Variants in SSUH2 observed in about 807,000 individuals in gnomAD.
SSUH2 encodes the protein ssu-2 homolog.
In SSUH2, 47 loss-of-function variants were observed where a neutral mutation model predicts 55.3. The observed-to-expected ratio is 0.85, with a 90% CI of 0.67 to 1.08. The LOEUF is 1.08. Among genes scored for constraint, SSUH2 ranks in the 50% least tolerant of loss-of-function variants. The pLI, the probability that SSUH2 is intolerant of heterozygous loss-of-function variation, is 0.00. For missense variants in SSUH2, 535 were observed against 490.7 expected, an observed-to-expected ratio of 1.09 and a Z score of -0.85; for synonymous variants, 212 against 191.5, an observed-to-expected ratio of 1.11 and a Z score of -0.89.
At chr3:8,625,118 A>G (rs1964626) in intron 10 of SSUH2, among the ~76,000 whole-genome samples, 67,925 of 151,686 alleles carry the variant, frequency 0.45, 15,507 homozygotes, top group East Asian at 0.56. Flanking sequence ...TGTAAGCTCT[A>G]TGAGGGCAGG....
rs554806812 is a variant in SSUH2 at position 8,625,487 on chromosome 3, C to T, written c.873+55G>A. 5.5e-4 allele frequency: 621 copies of T among 1,137,978 alleles called. 1 individual carries two copies. The Middle Eastern group carries it at 6.3e-3, about 11-fold the overall frequency. The allele number at this position is 1,137,978 out of a possible 1,614,324, so 70.5% of individuals were successfully genotyped here. Reference sequence around the variant, plus strand: ...CACACAGCTAGCAGCCCCAGGCCCACGAGAGCAGAGGAGGAACCCAGCTTC... The same window carrying T: ...CACACAGCTAGCAGCCCCAGGCCCATGAGAGCAGAGGAGGAACCCAGCTTC... On this transcript the variant is annotated intron_variant, in intron 10 of 11. Transcript: ENST00000544814.
At chr3:8,681,178 C>T (rs1311808703) in intron 1 of SSUH2, among the ~76,000 whole-genome samples, 2 of 136,786 alleles carry the variant, frequency 1.5e-5, no homozygotes, top group African/African-American at 5.2e-5. Flanking sequence ...GGAGTCACCC[C>T]ATGCAAGGCG....
At chr3:8,625,447 G>T (rs1697328869) in intron 10 of SSUH2, 95 bp downstream of exon 10, 7 of 740,482 alleles carry the variant, frequency 9.5e-6, no homozygotes, top group Admixed American at 2.3e-5. Context: ...GTCCTTCCAA[G>T]GAATGCAGCC....
intron 4 of SSUH2, among the ~76,000 whole-genome samples, chr3:8,633,365 C>T (rs1481603168): frequency 6.6e-6 from 1 of 151,758 alleles, no homozygotes; most frequent in Non-Finnish European, 1.5e-5. Context: ...GCTGGTCTAA[C>T]CTGACTCACC....
chr3:8,667,156 A>G (rs749263634), intron 5 of SSUH2, among the ~76,000 whole-genome samples: 1 of 152,264 alleles, frequency 6.6e-6, no homozygotes, highest in Non-Finnish European at 1.5e-5. Flanking sequence ...GGGCTGCTGG[A>G]CTGAATAGAC....
chr3:8,679,384 G>T (rs140632165), intron 2 of SSUH2, among the ~76,000 whole-genome samples: 715 of 70,992 alleles, frequency 0.01, 54 homozygotes, highest in South Asian at 0.025. Context: ...GCATCCCCCA[G>T]GAGGAGGGGA....
chr3:8,657,694 T>C (rs1302217958), intron 7 of SSUH2, among the ~76,000 whole-genome samples: 1 of 152,098 alleles, frequency 6.6e-6, no homozygotes, highest in African/African-American at 2.4e-5. Flanking sequence ...TACCACATCC[T>C]ACCAAGAGGT....
At chr3:8,664,890 C>T (rs1703847872) in intron 5 of SSUH2, among the ~76,000 whole-genome samples, 1 of 152,238 alleles carries the variant, frequency 6.6e-6, no homozygotes, top group Admixed American at 6.5e-5. Context: ...AAGGCATCTC[C>T]CGATTCCTGC....
intron 5 of SSUH2, among the ~76,000 whole-genome samples, chr3:8,669,996 C>A (rs541022441): frequency 6.6e-6 from 1 of 152,188 alleles, no homozygotes; most frequent in Non-Finnish European, 1.5e-5. Flanking sequence ...GCATTAATTT[C>A]TTGTTTTTGA....
Position 8,676,905 on chromosome 3 carries a change from C to T in SSUH2, c.-753+301G>A, listed in dbSNP as rs557694705. On this transcript the variant is annotated intron_variant, in intron 3 of 18. Coordinates refer to the SSUH2 transcript ENST00000317371. ...CCGTGAGGCGGGGACAGAGAGCCAG[C>T]CCCTCTTTCCCCCCTGGCTCTTAGG... Among the ~76,000 whole-genome samples the T allele has an allele frequency of 4.6e-4, 67 of 146,622 alleles. 1 individual carries two copies. Among genetic ancestry groups the T allele is most frequent in the African/African-American group, 1.5e-3 (61 of 39,560 alleles).
intron 7 of SSUH2, among the ~76,000 whole-genome samples, chr3:8,652,896 A>T (rs1175123461): frequency 6.6e-6 from 1 of 152,162 alleles, no homozygotes; most frequent in East Asian, 1.9e-4. Context: ...TTGGAATATA[A>T]GCATGTGACT....
chr3:8,681,686 C>CT (rs1202750983), intron 1 of SSUH2, among the ~76,000 whole-genome samples: 1 of 148,104 alleles, frequency 6.8e-6, no homozygotes, highest in Non-Finnish European at 1.5e-5. Flanking sequence ...CTCTTCCCCC[C>CT]GGCTCTTAGG....
intron 3 of SSUH2, among the ~76,000 whole-genome samples, chr3:8,673,704 G>C (rs1417294602): frequency 6.6e-6 from 1 of 152,198 alleles, no homozygotes. Context: ...CACCAGACCA[G>C]CTGATTATCA....
chr3:8,632,207 G>A (rs1575117474), intron 4 of SSUH2, 98 bp from the exon 5 acceptor site: 2 of 1,010,598 alleles, frequency 2.0e-6, no homozygotes, highest in African/African-American at 1.6e-5. Flanking sequence ...GGCTCAGTGG[G>A]GAAACTGAGA....
intron 7 of SSUH2, 59 bp from the exon 8 acceptor site, chr3:8,627,842 A>C (rs1390072983): frequency 2.0e-6 from 3 of 1,501,228 alleles, no homozygotes; most frequent in Non-Finnish European, 2.7e-6. Flanking sequence ...GGCCAACGGC[A>C]TCCCAAGACC....
rs867396602 is a variant in SSUH2 at position 8,678,960 on chromosome 3, G to A, written c.-901+745C>T. Among the ~76,000 whole-genome samples the A allele has an allele frequency of 1.9e-4, 14 of 73,280 alleles. 3 individuals are homozygous for A. The East Asian group carries it at 4.5e-3, about 23-fold the overall frequency. 48.1% of individuals were successfully genotyped at this position (73,280 alleles called of 152,430 possible). The stretch of plus-strand genomic sequence containing the variant: ...CTCTTCCCCTCCTGGCTCTTGGGAC[G>A]CCCATCGCAGGGCGGAGAGTCACCC... On this transcript the variant is annotated intron_variant, in intron 2 of 18. Coordinates refer to the SSUH2 transcript ENST00000317371.
chr3:8,623,765 G>A, intron 10 of SSUH2, 109 bp from the exon 11 acceptor site: 1 of 601,742 alleles, frequency 1.7e-6, no homozygotes, highest in Non-Finnish European at 3.0e-6. Context: ...GAAGGGGGCT[G>A]AGAGAGGGAC....
intron 9 of SSUH2, 56 bp downstream of exon 9, chr3:8,626,173 G>C: frequency 1.4e-6 from 2 of 1,423,264 alleles, no homozygotes; most frequent in Middle Eastern, 1.8e-4. Flanking sequence ...AGCCAGTCCA[G>C]GGCTAAGTCC....
upstream of SSUH2, among the ~76,000 whole-genome samples, chr3:8,647,276 C>T (rs978940390): frequency 6.6e-6 from 1 of 152,248 alleles, no homozygotes; most frequent in African/African-American, 2.4e-5. Flanking sequence ...TATCCATGCG[C>T]AGGCATGCGG....
Sources: allele counts gnomAD v4.1 joint callset (sites outside exome capture counted in the v4.1 genomes callset), GRCh38; gene constraint gnomAD v4.1.1; transcripts MANE v1.5; gene names NCBI Gene and HGNC (gene_info 2026-07-23, HGNC 2026-07-21).